Variants in DNAI1 observed in about 807,000 individuals in gnomAD.
DNAI1 encodes dynein axonemal intermediate chain 1.
DNAI1 carries 67 observed loss-of-function variants against 92.0 expected under a neutral mutation model. That is an observed-to-expected ratio of 0.73 (90% CI 0.60 to 0.89). The LOEUF is 0.89. Ranked by LOEUF, DNAI1 falls within the 40% of genes least tolerant of loss-of-function variation. The pLI, the probability that DNAI1 is intolerant of heterozygous loss-of-function variation, is 0.00. For synonymous variants in DNAI1, 323 were observed against 319.6 expected, an observed-to-expected ratio of 1.01 and a Z score of -0.11; for missense variants, 839 against 866.6, an observed-to-expected ratio of 0.97 and a Z score of 0.40.
intron 10 of DNAI1, among the ~76,000 whole-genome samples, chr9:34,497,482 CA>C (rs560013988): frequency 3.9e-5 from 6 of 152,346 alleles, no homozygotes; most frequent in African/African-American, 1.4e-4. Context: ...CCCTGGGAGG[CA>C]GGCAGAGCAG....
At chr9:34,467,440 T>TACACACACACACACAC (rs3039302) in intron 1 of DNAI1, among the ~76,000 whole-genome samples, 1 of 137,378 alleles carries the variant, frequency 7.3e-6, no homozygotes. Context: ...TCTACACAAA[T>TACACACACACACACAC]ACACACACAC....
rs532267420 is a variant in DNAI1, at chr9:34,491,287, ACTT to A, written c.622-202_622-200del. The A allele has an allele frequency of 1.9e-3, 1,225 of 635,202 alleles. 3 individuals carry two copies. Among genetic ancestry groups the A allele is most frequent in the Non-Finnish European group, 2.8e-3 (1,004 of 353,398 alleles). 39.3% of individuals were successfully genotyped at this position (635,202 alleles called of 1,614,324 possible). The stretch of plus-strand genomic sequence containing the variant: ...TCCCTGCCCCTGCTTTCTAGCTTAT[ACTT>A]CTTCTGAAGGAGGCCAGAATGGACA... On this transcript the variant is annotated intron_variant, in intron 7 of 19. Coordinates refer to ENST00000242317, the MANE Select transcript of DNAI1 (RefSeq NM_012144.4).
intron 4 of DNAI1, among the ~76,000 whole-genome samples, chr9:34,486,930 G>A (rs1166545331): frequency 6.6e-6 from 1 of 152,184 alleles, no homozygotes; most frequent in Non-Finnish European, 1.5e-5. Context: ...TTCAATTCAT[G>A]TTGTAGTATG....
intron 1 of DNAI1, among the ~76,000 whole-genome samples, chr9:34,482,275 A>C (rs1443596892): frequency 6.7e-6 from 1 of 149,740 alleles, no homozygotes; most frequent in Non-Finnish European, 1.5e-5. Context: ...CCAAGTCCTC[A>C]CCAGAGCAGC....
chr9:34,489,450 G>A lies in DNAI1; in HGVS notation c.388+1G>A. On this transcript the variant is annotated splice_donor_variant, in intron 5 of 19. Coordinates refer to ENST00000242317, the MANE Select transcript of DNAI1 (RefSeq NM_012144.4). LOFTEE classifies it high-confidence loss of function. ...CATTACCGCGATGAATTAGTGGCAG[G>A]TAGGACTCTGGGCCATCCTGAAGCT... 6.2e-7 allele frequency: 1 copy of A among 1,613,374 alleles called. No individual in the cohort carries two copies. The highest frequency in any genetic ancestry group is 8.5e-7 in the Non-Finnish European group (1 of 1,179,904).
chr9:34,460,377 G>A (rs985124680), intron 1 of DNAI1, among the ~76,000 whole-genome samples: 1 of 152,154 alleles, frequency 6.6e-6, no homozygotes, highest in African/African-American at 2.4e-5. Flanking sequence ...TCAAGTCTAG[G>A]TACATTGAGG....
In DNAI1 at chr9:34,514,621, C is replaced by A. The variant is rs777255905; in HGVS notation, c.1719-19C>A. 3.7e-6 allele frequency: 6 copies of A among 1,614,228 alleles called. No homozygotes were observed. Among genetic ancestry groups the A allele is most frequent in the Non-Finnish European group, 5.1e-6 (6 of 1,180,038 alleles). ...GTGAGCCCTCTGTGCCATGGGCTTTCCACCCTCCACCTCTGCAGGACCCCG... is the reference window on the plus strand; with the variant it reads ...GTGAGCCCTCTGTGCCATGGGCTTTACACCCTCCACCTCTGCAGGACCCCG... On this transcript the variant is annotated intron_variant, in intron 17 of 19. Transcript: ENST00000242317.
At chr9:34,514,574 C>T in intron 17 of DNAI1, 32 bp downstream of exon 17, 10 of 1,614,212 alleles carry the variant, frequency 6.2e-6, no homozygotes, top group Non-Finnish European at 8.5e-6. Flanking sequence ...CTGCCTGGGG[C>T]CCTCCCCTGG....
Position 34,467,794 on chromosome 9 carries a change from G to A in DNAI1, c.48+8741G>A, listed in dbSNP as rs530223884. On this transcript the variant is annotated intron_variant, in intron 1 of 19. Coordinates refer to ENST00000242317, the MANE Select transcript of DNAI1 (RefSeq NM_012144.4). ...ACAATATATGACACTAATGTTTTTC[G>A]GTATTGGACAATAGACAACATAGGA... Among the ~76,000 whole-genome samples the A allele has an allele frequency of 3.3e-5, 5 of 152,218 alleles. 1 individual carries two copies. The South Asian group carries it at 6.2e-4, about 19-fold the overall frequency.
chr9:34,464,503 C>T (rs72735228), intron 1 of DNAI1, among the ~76,000 whole-genome samples: 1 of 151,406 alleles, frequency 6.6e-6, no homozygotes, highest in Admixed American at 6.6e-5. Context: ...CCAAATCAAT[C>T]CCCACAACCT....
chr9:34,493,137 G>A (rs1246274916), intron 8 of DNAI1, 57 bp from the exon 9 acceptor site: 1 of 1,613,122 alleles, frequency 6.2e-7, no homozygotes, highest in African/African-American at 1.3e-5. Flanking sequence ...GCTGAAAAGA[G>A]CTGTCTGGGT....
intron 7 of DNAI1, among the ~76,000 whole-genome samples, chr9:34,490,918 G>T (rs1444435270): frequency 2.0e-5 from 3 of 152,216 alleles, no homozygotes; most frequent in African/African-American, 7.2e-5. Flanking sequence ...GGCTGAGGGA[G>T]CCTCTCAGCG....
At chr9:34,483,274 G>T (rs1824409091) in intron 1 of DNAI1, among the ~76,000 whole-genome samples, 174 bp from the exon 2 acceptor site, 1 of 152,248 alleles carries the variant, frequency 6.6e-6, no homozygotes, top group South Asian at 2.1e-4. Context: ...CAAAGTGGGA[G>T]CCCAGGCAGG....
chr9:34,514,836 C>A, intron 18 of DNAI1, 97 bp downstream of exon 18: 1 of 1,346,178 alleles, frequency 7.4e-7, no homozygotes, highest in South Asian at 1.2e-5. Context: ...ATGCCTAGGT[C>A]AGGAAGGAGA....
intron 1 of DNAI1, among the ~76,000 whole-genome samples, chr9:34,482,746 T>A (rs1442740059): frequency 1.3e-5 from 2 of 152,268 alleles, no homozygotes; most frequent in African/African-American, 2.4e-5. Context: ...TGCCTGCCAG[T>A]CCTGCGCCTT....
At chr9:34,509,054 T>C (rs752253711) in intron 13 of DNAI1, among the ~76,000 whole-genome samples, 3 of 152,178 alleles carry the variant, frequency 2.0e-5, no homozygotes, top group Non-Finnish European at 2.9e-5. Flanking sequence ...CTCTGGTTGA[T>C]CTCTGGAGTT....
chr9:34,474,170 C>T (rs2890602), intron 1 of DNAI1, among the ~76,000 whole-genome samples: 71,169 of 152,056 alleles, frequency 0.47, 17,950 homozygotes, highest in African/African-American at 0.65. Context: ...TTTAAAAAAT[C>T]ACAAATAAAG....
intron 12 of DNAI1, among the ~76,000 whole-genome samples, chr9:34,505,198 G>A (rs1482906290): frequency 6.6e-6 from 1 of 152,146 alleles, no homozygotes; most frequent in Non-Finnish European, 1.5e-5. Flanking sequence ...CCAAAACCAG[G>A]TGGTAACAGG....
Position 34,520,783 on chromosome 9 carries a change from C to T in DNAI1, c.*27C>T, listed in dbSNP as rs1307974057. 57 of 1,548,582 alleles carry T rather than the reference C, an allele frequency of 3.7e-5. No homozygotes were observed. The highest frequency in any genetic ancestry group is 4.5e-5 in the Non-Finnish European group (52 of 1,144,390). On this transcript the variant is annotated 3_prime_UTR_variant, in exon 20 of 20. Transcript: ENST00000242317. ...GGGCTGGCCTCAGTCTCTGTCCCAT[C>T]GCTTGAATACAGTACTCCTAGGGCT...
Sources: allele counts gnomAD v4.1 joint callset (sites outside exome capture counted in the v4.1 genomes callset), GRCh38; gene constraint gnomAD v4.1.1; transcripts MANE v1.5; gene names NCBI Gene and HGNC (gene_info 2026-07-23, HGNC 2026-07-21).